Variants in KIAA0040 observed in about 807,000 individuals in gnomAD.
KIAA0040 encodes the protein uncharacterized protein KIAA0040.
In KIAA0040, 10 loss-of-function variants were observed where a neutral mutation model predicts 7.2. The ratio of observed to expected loss-of-function variants is 1.38; its 90% confidence interval spans 0.85 to 2.34. KIAA0040 has a LOEUF of 2.34. KIAA0040 is among the 30% of genes most tolerant of loss of function. The pLI is 0.00. For synonymous variants in KIAA0040, 49 were observed against 40.1 expected (o/e 1.22, Z -0.84); for missense variants, 89 against 108.2 (o/e 0.82, Z 0.79).
Position 175,160,540 on chromosome 1 carries a change from G to T in KIAA0040, c.*174C>A. The T allele has an allele frequency of 1.6e-6, 1 of 633,620 alleles. No individual in the cohort carries two copies. The highest frequency in any genetic ancestry group is 2.7e-6 in the Non-Finnish European group (1 of 372,560). The allele number at this position is 633,620 out of a possible 1,614,324, so 39.2% of individuals were successfully genotyped here. A position where few individuals can be genotyped will look rare whatever the true frequency, so the allele number is the denominator to read the frequency against. ...AAGACAGTATCCAAGAATTGTCCAC[G>T]TGGTCCCTGGGACTGCCCTCCACTG... On this transcript the variant is annotated 3_prime_UTR_variant, in exon 4 of 4. Transcript: ENST00000423313.
intron 2 of KIAA0040, among the ~76,000 whole-genome samples, chr1:175,173,135 C>A (rs962388496): frequency 7.2e-5 from 11 of 152,166 alleles, no homozygotes; most frequent in Non-Finnish European, 1.6e-4. Flanking sequence ...CTCTCTCGGC[C>A]CTCCTGACCT....
chr1:175,186,144 A>AATGCC (rs1224787197), intron 1 of KIAA0040, among the ~76,000 whole-genome samples: 1 of 152,224 alleles, frequency 6.6e-6, no homozygotes, highest in Non-Finnish European at 1.5e-5. Context: ...GAATGTACTA[A>AATGCC]ATGCCACTAA....
At chr1:175,191,844 G>A (rs930565248) in intron 1 of KIAA0040, among the ~76,000 whole-genome samples, 1 of 152,168 alleles carries the variant, frequency 6.6e-6, no homozygotes, top group Non-Finnish European at 1.5e-5. Context: ...CGCAATCGGT[G>A]GCACAATCCC....
intron 2 of KIAA0040, among the ~76,000 whole-genome samples, chr1:175,175,671 A>C (rs990486182): frequency 1.3e-5 from 2 of 152,268 alleles, no homozygotes; most frequent in African/African-American, 2.4e-5. Context: ...TGTGGCACAT[A>C]TATACCATGG....
chr1:175,185,192 T>C (rs1411477782), intron 1 of KIAA0040, among the ~76,000 whole-genome samples: 1 of 151,382 alleles, frequency 6.6e-6, no homozygotes, highest in Non-Finnish European at 1.5e-5. Flanking sequence ...TATTCTAAAA[T>C]CTGAAAAAAA....
At chr1:175,192,972 AC>A (rs1677937887), upstream of KIAA0040, 1 of 152,256 alleles carries the variant, frequency 6.6e-6, no homozygotes, top group Admixed American at 6.5e-5. Flanking sequence ...TGTCACAGGC[AC>A]AACTTCCTGA....
At chr1:175,179,174 G>C (rs991823878) in intron 1 of KIAA0040, among the ~76,000 whole-genome samples, 1 of 152,188 alleles carries the variant, frequency 6.6e-6, no homozygotes, top group African/African-American at 2.4e-5. Flanking sequence ...CTAAGGAAGA[G>C]TGGGAACTGA....
intron 2 of KIAA0040, among the ~76,000 whole-genome samples, 185 bp downstream of exon 2, chr1:175,177,426 A>C (rs758124707): frequency 6.6e-6 from 1 of 152,188 alleles, no homozygotes; most frequent in Non-Finnish European, 1.5e-5. Context: ...AGTGCCTAAT[A>C]GGGGTAGGCA....
At chr1:175,172,331 A>T (rs1571199546) in intron 2 of KIAA0040, among the ~76,000 whole-genome samples, 1 of 152,330 alleles carries the variant, frequency 6.6e-6, no homozygotes, top group East Asian at 1.9e-4. Flanking sequence ...AAATTTCCTA[A>T]TTTTTCTTCT....
intron 1 of KIAA0040, among the ~76,000 whole-genome samples, chr1:175,188,546 G>A (rs935327681): frequency 3.9e-5 from 6 of 152,100 alleles, no homozygotes; most frequent in Non-Finnish European, 8.8e-5. Flanking sequence ...GTTACATATC[G>A]ATATTGGATA....
Position 175,160,440 on chromosome 1 carries a change from G to T in KIAA0040, c.*274C>A. The T allele has an allele frequency of 2.3e-6, 1 of 431,260 alleles. No homozygotes were observed. Among genetic ancestry groups the T allele is most frequent in the Non-Finnish European group, 4.2e-6 (1 of 240,004 alleles). 26.7% of individuals were successfully genotyped at this position (431,260 alleles called of 1,614,324 possible). A position where few individuals can be genotyped will look rare whatever the true frequency, so the allele number is the denominator to read the frequency against. ...TAAATGTTCTTTGTGCTTTGCATGTGGGGTATGCCAGAGACAGGTGGGAGG... is the reference window on the plus strand; with the variant it reads ...TAAATGTTCTTTGTGCTTTGCATGTTGGGTATGCCAGAGACAGGTGGGAGG... On this transcript the variant is annotated 3_prime_UTR_variant, in exon 4 of 4. Coordinates refer to ENST00000423313, the MANE Select transcript of KIAA0040 (RefSeq NM_014656.3).
intron 2 of KIAA0040, among the ~76,000 whole-genome samples, chr1:175,170,423 C>A (rs1426278906): frequency 6.6e-6 from 1 of 152,166 alleles, no homozygotes; most frequent in Non-Finnish European, 1.5e-5. Context: ...CCCTGCGCAA[C>A]CCTCGCTTGG....
Position 175,157,492 on chromosome 1 carries a change from A to G in KIAA0040, c.*3222T>C, listed in dbSNP as rs1014239803. ...TCTGAGTGATGTCTGAGTGGGGGTA[A>G]TACCTAATGTTAAGAGAGTAACCAT... On this transcript the variant is annotated 3_prime_UTR_variant, in exon 4 of 4. Transcript: ENST00000423313. 1.3e-5 allele frequency: 2 copies of G among 152,208 alleles called. No individual in the cohort carries two copies. The highest frequency in any genetic ancestry group is 2.9e-5 in the Non-Finnish European group (2 of 68,036). The allele number at this position is 152,208 out of a possible 1,614,324, so 9.4% of individuals were successfully genotyped here. A position where few individuals can be genotyped will look rare whatever the true frequency, so the allele number is the denominator to read the frequency against.
intron 2 of KIAA0040, among the ~76,000 whole-genome samples, chr1:175,169,712 G>A (rs1676909871): frequency 6.6e-6 from 1 of 152,060 alleles, no homozygotes; most frequent in Admixed American, 6.5e-5. Flanking sequence ...CTTTCAAAGC[G>A]ACCATTTCAG....
At chr1:175,169,148 T>C (rs913152333) in intron 2 of KIAA0040, among the ~76,000 whole-genome samples, 1 of 152,206 alleles carries the variant, frequency 6.6e-6, no homozygotes, top group African/African-American at 2.4e-5. Context: ...CTAATACAAG[T>C]GACAAAAAAG....
At chr1:175,188,560 A>T (rs1053842907) in intron 1 of KIAA0040, among the ~76,000 whole-genome samples, 1 of 152,206 alleles carries the variant, frequency 6.6e-6, no homozygotes, top group Non-Finnish European at 1.5e-5. Context: ...TTGGATATGT[A>T]ATTTCAACTA....
Position 175,157,114 on chromosome 1 carries a change from G to C in KIAA0040, c.*3600C>G, listed in dbSNP as rs1175606634. ...ACACACACACATACACACAGTTTTT[G>C]CCCTAGTGGCTACTATAGAGGTTTT... On this transcript the variant is annotated 3_prime_UTR_variant, in exon 4 of 4. Transcript: ENST00000423313. 6.6e-6 allele frequency: 1 copy of C among 151,998 alleles called. No homozygotes were observed. The highest frequency in any genetic ancestry group is 1.9e-4 in the East Asian group (1 of 5,184). The allele number at this position is 151,998 out of a possible 1,614,324, so 9.4% of individuals were successfully genotyped here.
intron 3 of KIAA0040, among the ~76,000 whole-genome samples, 174 bp from the exon 4 acceptor site, chr1:175,161,320 A>T (rs1008822763): frequency 1.3e-5 from 2 of 152,238 alleles, no homozygotes; most frequent in African/African-American, 4.8e-5. Context: ...ATCAATAAGC[A>T]TCAACTAATT....
intron 1 of KIAA0040, among the ~76,000 whole-genome samples, chr1:175,187,632 T>G (rs1413708397): frequency 6.6e-6 from 1 of 152,188 alleles, no homozygotes; most frequent in Non-Finnish European, 1.5e-5. Flanking sequence ...TCATTTAAGT[T>G]AATACACAGC....
Sources: gnomAD v4.1 joint callset for allele counts (sites outside exome capture counted in the v4.1 genomes callset) on GRCh38, gnomAD v4.1.1 for gene constraint, MANE v1.5 for transcripts, NCBI Gene and HGNC (gene_info 2026-07-23, HGNC 2026-07-21) for gene names.